ZNF70: variants seen among roughly 807,000 people sequenced by gnomAD.
ZNF70 encodes zinc finger protein N27C7-1.
A neutral mutation model predicts 37.7 loss-of-function variants in ZNF70; 18 were observed. The observed-to-expected ratio is 0.48, with a 90% CI of 0.33 to 0.71. ZNF70 has a LOEUF of 0.71. ZNF70 is among the 30% of genes least tolerant of loss of function. The pLI is 0.02. For synonymous variants in ZNF70, 219 were observed against 220.1 expected (o/e 0.99, Z 0.05); for missense variants, 506 against 568.6 (o/e 0.89, Z 1.12).
At position 23,742,300 on chromosome 22, in the gene ZNF70, TA is replaced by T. The variant is rs1219500971; in HGVS notation, c.*1499del. The T allele has an allele frequency of 6.6e-6, 1 of 151,904 alleles. No homozygotes were observed. The highest frequency in any genetic ancestry group is 1.9e-4 in the East Asian group (1 of 5,174). 9.4% of individuals were successfully genotyped at this position (151,904 alleles called of 1,614,324 possible). A position where few individuals can be genotyped will look rare whatever the true frequency, so the allele number is the denominator to read the frequency against. On this transcript the variant is annotated 3_prime_UTR_variant, in exon 2 of 2. Coordinates refer to ENST00000341976, the MANE Select transcript of ZNF70 (RefSeq NM_021916.4). Reference sequence around the variant, plus strand: ...AGCCTGGCTGCACACTAGGAAGTTATAATCACCTGGGGAGCTTTAAAACATG... The same window carrying T: ...AGCCTGGCTGCACACTAGGAAGTTATATCACCTGGGGAGCTTTAAAACATG...
In ZNF70 at chr22:23,744,997, G is replaced by A. The variant is rs775300619; in HGVS notation, c.144C>T (p.Tyr48=). Residue 48 remains tyrosine (Y), a synonymous_variant, in exon 2 of 2, where the codon TAC becomes TAT. Coordinates refer to ENST00000341976, the MANE Select transcript of ZNF70 (RefSeq NM_021916.4). ...ERGLEQMAVI[Y]KEIPLGEQDE... is the part of the protein sequence containing the mutation. ...CCTGCTCACCAAGAGGGATCTCCTT[G>A]TAGATCACAGCCATTTGCTCCAAAC... 3.7e-6 allele frequency: 6 copies of A among 1,614,040 alleles called. No homozygotes were observed. The highest frequency in any genetic ancestry group is 3.3e-5 in the South Asian group (3 of 91,086).
rs781342377 is a variant in ZNF70, at chr22:23,743,940, G to A, written c.1201C>T (p.Arg401Trp). The A allele has an allele frequency of 1.6e-5, 26 of 1,613,270 alleles. No homozygotes were observed. The highest frequency in any genetic ancestry group is 1.6e-4 in the Middle Eastern group (1 of 6,078). The change falls in exon 2 of 2, where the codon CGG becomes TGG. Residue 401 changes from arginine to tryptophan, a missense_variant. Arg to Trp is a moderately radical substitution (Grantham distance 101). Transcript: ENST00000341976. Reference protein sequence around the residue: ...PYTCECGKAFRHRSALIEHYK... With the variant: ...PYTCECGKAFWHRSALIEHYK... ...TGCTCAATGAGGGCTGACCGGTGCCGGAAGGCTTTGCCACACTCGCAGGTG... is the reference window on the plus strand; with the variant it reads ...TGCTCAATGAGGGCTGACCGGTGCCAGAAGGCTTTGCCACACTCGCAGGTG...
In ZNF70 at chr22:23,741,677, A is replaced by G. The variant is rs901862989; in HGVS notation, c.*2123T>C. ...TACCCAGTGTTACCATGATGAGTTC[A>G]TGTTAGCCCAGCCATAAATGTTTAG... On this transcript the variant is annotated 3_prime_UTR_variant, in exon 2 of 2. Transcript: ENST00000341976. 6.6e-6 allele frequency: 1 copy of G among 152,262 alleles called. No homozygotes were observed. Among genetic ancestry groups the G allele is most frequent in the Non-Finnish European group, 1.5e-5 (1 of 68,062 alleles). 9.4% of individuals were successfully genotyped at this position (152,262 alleles called of 1,614,324 possible).
Position 23,743,922 on chromosome 22 carries a change from T to A in ZNF70, c.1219A>T (p.Ile407Phe). The change falls in exon 2 of 2, where the codon ATT (isoleucine) becomes TTT (phenylalanine). Residue 407 changes from isoleucine to phenylalanine, a missense_variant. Coordinates refer to ENST00000341976, the MANE Select transcript of ZNF70 (RefSeq NM_021916.4). ...GKAFRHRSAL[I>F]EHYKTHTREK... ...CTGGTGTGGGTTTTATAGTGCTCAATGAGGGCTGACCGGTGCCGGAAGGCT... is the reference window on the plus strand; with the variant it reads ...CTGGTGTGGGTTTTATAGTGCTCAAAGAGGGCTGACCGGTGCCGGAAGGCT... 3 of 1,613,284 alleles carry A rather than the reference T, an allele frequency of 1.9e-6. No homozygotes were observed. Among genetic ancestry groups the A allele is most frequent in the Non-Finnish European group, 1.7e-6 (2 of 1,179,238 alleles).
chr22:23,749,225 G>C (rs1010174423), intron 1 of ZNF70, among the ~76,000 whole-genome samples: 1 of 151,700 alleles, frequency 6.6e-6, no homozygotes, highest in Admixed American at 6.6e-5. Context: ...CAGCGCGTCT[G>C]TAATCCCAGC....
In ZNF70 at chr22:23,739,072, A is replaced by G. The variant is rs1317673240; in HGVS notation, c.*4728T>C. The G allele has an allele frequency of 6.6e-6, 1 of 152,150 alleles. No homozygotes were observed. Among genetic ancestry groups the G allele is most frequent in the East Asian group, 1.9e-4 (1 of 5,194 alleles). 9.4% of individuals were successfully genotyped at this position (152,150 alleles called of 1,614,324 possible). A position where few individuals can be genotyped will look rare whatever the true frequency, so the allele number is the denominator to read the frequency against. ...TAAATGAAAGTCAGAGAAAATATGG[A>G]TTTGAATAAAATAATGAAAAAATTG... is the stretch of plus-strand genomic sequence containing the variant. On this transcript the variant is annotated 3_prime_UTR_variant, in exon 2 of 2. Coordinates refer to ENST00000341976, the MANE Select transcript of ZNF70 (RefSeq NM_021916.4).
rs547639019 is a variant in ZNF70 at position 23,742,687 on chromosome 22, C to T, written c.*1113G>A. ...TCTGTCCTCAGTCACCATGACTGCT[C>T]ACAGTTGCCAAAGCACTTTCACAGT... On this transcript the variant is annotated 3_prime_UTR_variant, in exon 2 of 2. Coordinates refer to ENST00000341976, the MANE Select transcript of ZNF70 (RefSeq NM_021916.4). 2 of 152,462 alleles carry T rather than the reference C, an allele frequency of 1.3e-5. No homozygotes were observed. The highest frequency in any genetic ancestry group is 6.5e-5 in the Admixed American group (1 of 15,306). The allele number at this position is 152,462 out of a possible 1,614,324, so 9.4% of individuals were successfully genotyped here.
At position 23,743,349 on chromosome 22, in the gene ZNF70, T is replaced by A; in HGVS notation, c.*451A>T. The stretch of plus-strand genomic sequence containing the variant: ...ACTTTTGAATTCATTTTTCTTCTAC[T>A]GCTTTGGACTGTGAGTGTGGTTTCT... On this transcript the variant is annotated 3_prime_UTR_variant, in exon 2 of 2. Transcript: ENST00000341976. The A allele has an allele frequency of 6.2e-6, 1 of 160,058 alleles. No homozygotes were observed. 9.9% of individuals were successfully genotyped at this position (160,058 alleles called of 1,614,324 possible).
intron 1 of ZNF70, among the ~76,000 whole-genome samples, chr22:23,749,298 G>A (rs1439976874): frequency 4.5e-5 from 6 of 134,430 alleles, no homozygotes; most frequent in South Asian, 2.5e-4. Flanking sequence ...GCAGTGAGCC[G>A]AGATCGCGCC....
rs1398901615 is a variant in ZNF70, at chr22:23,738,710, T to A, written c.*5090A>T. 6.6e-6 allele frequency: 1 copy of A among 152,186 alleles called. No homozygotes were observed. The highest frequency in any genetic ancestry group is 2.4e-5 in the African/African-American group (1 of 41,448). The allele number at this position is 152,186 out of a possible 1,614,324, so 9.4% of individuals were successfully genotyped here. A position where few individuals can be genotyped will look rare whatever the true frequency, so the allele number is the denominator to read the frequency against. On this transcript the variant is annotated 3_prime_UTR_variant, in exon 2 of 2. Coordinates refer to ENST00000341976, the MANE Select transcript of ZNF70 (RefSeq NM_021916.4). ...CCCAAACATGATACTTATTTATTGA[T>A]AATTCATACCCTGCCTATTTCTCAA...
Position 23,745,720 on chromosome 22 carries a change from G to A in ZNF70, c.-79-501C>T, listed in dbSNP as rs575692611. 2.2e-4 allele frequency among the ~76,000 whole-genome samples: 33 copies of A among 152,214 alleles called. No individual in the cohort carries two copies. The East Asian group carries it at 5.4e-3, about 25-fold the overall frequency. On this transcript the variant is annotated intron_variant, in intron 1 of 1. Coordinates refer to ENST00000341976, the MANE Select transcript of ZNF70 (RefSeq NM_021916.4). Reference sequence around the variant, plus strand: ...TGGGAGGCAGAGATTGCAGTGAGCGGAGATCAGCCCACTGCACTCCAACGT... The same window carrying A: ...TGGGAGGCAGAGATTGCAGTGAGCGAAGATCAGCCCACTGCACTCCAACGT...
chr22:23,747,081 A>C (rs1168439923), intron 1 of ZNF70, among the ~76,000 whole-genome samples: 1 of 152,184 alleles, frequency 6.6e-6, no homozygotes, highest in Admixed American at 6.5e-5. Flanking sequence ...TTGTTGAATA[A>C]ATTATCAAAT....
chr22:23,740,361 GAAC>G lies in ZNF70; in HGVS notation c.*3436_*3438del, dbSNP rs1453445556. 2.6e-5 allele frequency: 4 copies of G among 151,416 alleles called. No homozygotes were observed. The highest frequency in any genetic ancestry group is 4.4e-5 in the Non-Finnish European group (3 of 67,868). 9.4% of individuals were successfully genotyped at this position (151,416 alleles called of 1,614,324 possible). A position where few individuals can be genotyped will look rare whatever the true frequency, so the allele number is the denominator to read the frequency against. ...AAAAAGGTAGGACAACAAAAACAAA[GAAC>G]AACTAAATTAAAAGATAATTGATTA... On this transcript the variant is annotated 3_prime_UTR_variant, in exon 2 of 2. Coordinates refer to ENST00000341976, the MANE Select transcript of ZNF70 (RefSeq NM_021916.4).
intron 1 of ZNF70, 141 bp from the exon 2 acceptor site, chr22:23,745,360 T>C: frequency 1.7e-6 from 1 of 587,850 alleles, no homozygotes; most frequent in Non-Finnish European, 3.0e-6. Context: ...CCAAATGAGT[T>C]AGAGGCAAGT....
Position 23,744,204 on chromosome 22 carries a change from A to G in ZNF70, c.937T>C (p.Cys313Arg), listed in dbSNP as rs765314322. 2.5e-6 allele frequency: 4 copies of G among 1,613,894 alleles called. No individual in the cohort carries two copies. Among genetic ancestry groups the G allele is most frequent in the Admixed American group, 1.7e-5 (1 of 59,990 alleles). ...GAGCTCTGGCTGAAGGCCTTCCCGC[A>G]CTCATCGCATTTGTATGGTTTCTTC... ...TGKKPYKCDE[C>R]GKAFSQSSNL... The change falls in exon 2 of 2, where the codon TGC becomes CGC. Residue 313 changes from cysteine to arginine, a missense_variant. By Grantham distance (180) the Cys-to-Arg change is radical. Transcript: ENST00000341976.
At position 23,744,277 on chromosome 22, in the gene ZNF70, G is replaced by A. The variant is rs1443480630; in HGVS notation, c.864C>T (p.Ala288=). 1 of 1,613,744 alleles carries A rather than the reference G, an allele frequency of 6.2e-7. No homozygotes were observed. The highest frequency in any genetic ancestry group is 1.7e-5 in the Admixed American group (1 of 59,950). ...GGATGAGGTGTGACCTGTGACAAAA[G>A]GCTTTCCCACAGAGATCGCACTCGT... ...KPHECDLCGK[A]FCHRSHLIRH... Residue 288 remains alanine, a synonymous_variant, in exon 2 of 2, where the codon GCC becomes GCT. Transcript: ENST00000341976.
chr22:23,748,546 A>AT (rs36067984), intron 1 of ZNF70, among the ~76,000 whole-genome samples: 17,099 of 141,964 alleles, frequency 0.12, 1,113 homozygotes, highest in East Asian at 0.3. Context: ...AGCAGAAATG[A>AT]TTTTTTTTTT....
intron 1 of ZNF70, among the ~76,000 whole-genome samples, chr22:23,748,175 T>G (rs374722013): frequency 3.6e-4 from 49 of 135,932 alleles, no homozygotes; most frequent in African/African-American, 1.5e-3. Context: ...AGAGAGTAAC[T>G]GCCTCAGAAA....
chr22:23,748,182 G>GA (rs986370020), intron 1 of ZNF70, among the ~76,000 whole-genome samples: 549 of 106,390 alleles, frequency 5.2e-3, no homozygotes, highest in South Asian at 7.1e-3. Flanking sequence ...AACTGCCTCA[G>GA]AAAAAAAAAA....
Sources: gnomAD v4.1 joint callset for allele counts (sites outside exome capture counted in the v4.1 genomes callset) on GRCh38, gnomAD v4.1.1 for gene constraint, MANE v1.5 for transcripts, NCBI Gene and HGNC (gene_info 2026-07-23, HGNC 2026-07-21) for gene names.